Variants in DGAT2 observed in about 807,000 individuals in gnomAD.
DGAT2 encodes acyl-CoA retinol O-fatty-acyltransferase.
DGAT2 carries 33 observed loss-of-function variants against 48.4 expected under a neutral mutation model. That is an observed-to-expected ratio of 0.68 (90% confidence interval 0.52 to 0.91). DGAT2 has a LOEUF of 0.91. Among genes scored for constraint, DGAT2 ranks in the 40% least tolerant of loss-of-function variants. The pLI is 0.00. For missense variants in DGAT2, 446 were observed against 493.7 expected (o/e 0.90, Z 0.92); for synonymous variants, 191 against 194.1 (o/e 0.98, Z 0.13).
intron 1 of DGAT2, among the ~76,000 whole-genome samples, chr11:75,773,493 C>A (rs1228396820): frequency 6.6e-6 from 1 of 152,202 alleles, no homozygotes; most frequent in African/African-American, 2.4e-5. Context: ...GGTCAGAATT[C>A]TCAGATTCTC....
intron 2 of DGAT2, among the ~76,000 whole-genome samples, chr11:75,787,065 A>AT (rs550898147): frequency 4.0e-5 from 6 of 150,536 alleles, no homozygotes; most frequent in Non-Finnish European, 8.9e-5. Context: ...AGAAGAAATG[A>AT]TTTTTTTTAA....
intron 1 of DGAT2, among the ~76,000 whole-genome samples, chr11:75,777,688 T>A (rs573581354): frequency 6.6e-6 from 1 of 152,178 alleles, no homozygotes; most frequent in Admixed American, 6.5e-5. Context: ...CAGGTTGGCA[T>A]GTCCCCTGCC....
At chr11:75,789,699 TC>T (rs1027379949) in intron 2 of DGAT2, among the ~76,000 whole-genome samples, 2 of 152,122 alleles carry the variant, frequency 1.3e-5, no homozygotes, top group Non-Finnish European at 2.9e-5. Flanking sequence ...GCAAGTTATC[TC>T]CCCCTTGAGC....
At chr11:75,790,441 A>G (rs1033728170) in intron 3 of DGAT2, 146 bp downstream of exon 3, 34 of 818,714 alleles carry the variant, frequency 4.2e-5, no homozygotes, top group Non-Finnish European at 6.5e-5. Flanking sequence ...GGGGAGGTTA[A>G]AAGCCCCTCA....
intron 1 of DGAT2, among the ~76,000 whole-genome samples, chr11:75,782,668 C>T (rs776292967): frequency 6.6e-6 from 1 of 152,234 alleles, no homozygotes; most frequent in Non-Finnish European, 1.5e-5. Flanking sequence ...GGTTATGAGA[C>T]CCTCAAGGAT....
intron 1 of DGAT2, chr11:75,777,004 C>T (rs537585665): frequency 3.9e-5 from 6 of 152,756 alleles, no homozygotes; most frequent in African/African-American, 1.2e-4. Flanking sequence ...CTCTCTGTCT[C>T]CGTGCAACTT....
At chr11:75,792,187 TCCAAAAGAACCA>T (rs893596084) in intron 4 of DGAT2, 9 of 152,382 alleles carry the variant, frequency 5.9e-5, no homozygotes, top group African/African-American at 2.2e-4. Context: ...TCTCCACCCT[TCCAAAAGAACCA>T]AACAAACCCC....
intron 4 of DGAT2, among the ~76,000 whole-genome samples, chr11:75,791,414 G>A (rs74393770): frequency 0.02 from 3,055 of 152,248 alleles, 100 homozygotes; most frequent in African/African-American, 0.066. Context: ...CAGGGTCAGC[G>A]TTCCTTCTCC....
chr11:75,784,818 C>T (rs1360421073), intron 2 of DGAT2, 72 bp downstream of exon 2: 1 of 1,581,932 alleles, frequency 6.3e-7, no homozygotes, highest in East Asian at 2.2e-5. Context: ...AGAGCAGGAG[C>T]CCTGCTCTAC....
chr11:75,772,412 C>T (rs367595266), intron 1 of DGAT2, among the ~76,000 whole-genome samples: 15 of 152,152 alleles, frequency 9.9e-5, no homozygotes, highest in South Asian at 2.1e-4. Context: ...ATGCTGCAGA[C>T]GCATGGTGGT....
intron 4 of DGAT2, chr11:75,792,118 AG>A (rs1209467026): frequency 2.6e-5 from 4 of 152,290 alleles, no homozygotes; most frequent in African/African-American, 9.6e-5. Flanking sequence ...CACTTAGAAC[AG>A]GATGACCTGA....
Position 75,774,452 on chromosome 11 carries a change from T to G in DGAT2, c.121+5340T>G, listed in dbSNP as rs113998954. 3.6e-3 allele frequency among the ~76,000 whole-genome samples: 549 copies of G among 152,326 alleles called. 4 individuals carry two copies. Among genetic ancestry groups the G allele is most frequent in the African/African-American group, 0.013 (540 of 41,562 alleles). The stretch of plus-strand genomic sequence containing the variant: ...TAGAAATGGGAAACACAAACTCCTT[T>G]TCTTATTAGAGCAGAATTAGCCATT... On this transcript the variant is annotated intron_variant, in intron 1 of 7. Coordinates refer to ENST00000228027, the MANE Select transcript of DGAT2 (RefSeq NM_032564.5).
chr11:75,773,199 C>T (rs1265436005), intron 1 of DGAT2, among the ~76,000 whole-genome samples: 5 of 152,184 alleles, frequency 3.3e-5, no homozygotes, highest in African/African-American at 4.8e-5. Flanking sequence ...TGTGATTCCT[C>T]GAGCCTTCCT....
At chr11:75,789,148 GT>G (rs1215243919) in intron 2 of DGAT2, among the ~76,000 whole-genome samples, 324 of 144,118 alleles carry the variant, frequency 2.2e-3, no homozygotes, top group Middle Eastern at 3.6e-3. Flanking sequence ...TGCTGTTAGG[GT>G]TTTTTTTTTT....
In DGAT2 at chr11:75,790,169, G is replaced by A. The variant is rs1422435072; in HGVS notation, c.251-19G>A. On this transcript the variant is annotated intron_variant, in intron 2 of 7. Coordinates refer to ENST00000228027, the MANE Select transcript of DGAT2 (RefSeq NM_032564.5). The stretch of plus-strand genomic sequence containing the variant: ...GATGAAGCCCAGTAGGACCTGACCT[G>A]TGGCCATCTGCCCCCCAGGAGTGGC... The A allele has an allele frequency of 1.3e-6, 2 of 1,585,466 alleles. No homozygotes were observed. Among genetic ancestry groups the A allele is most frequent in the South Asian group, 2.2e-5 (2 of 90,532 alleles).
chr11:75,800,277 T>C, intron 7 of DGAT2, 77 bp from the exon 8 acceptor site: 1 of 1,537,888 alleles, frequency 6.5e-7, no homozygotes, highest in South Asian at 1.2e-5. Context: ...CAGCCCAGCG[T>C]CACCACCTTC....
chr11:75,772,190 A>G (rs1048634761), intron 1 of DGAT2, among the ~76,000 whole-genome samples: 3 of 152,142 alleles, frequency 2.0e-5, no homozygotes, highest in Admixed American at 2.0e-4. Context: ...TCCCTTCTCA[A>G]ACTTTTTGAG....
At chr11:75,772,468 G>T (rs1261603503) in intron 1 of DGAT2, among the ~76,000 whole-genome samples, 1 of 152,092 alleles carries the variant, frequency 6.6e-6, no homozygotes, top group Non-Finnish European at 1.5e-5. Context: ...TTACCTCAGC[G>T]CCTTTGCATA....
chr11:75,794,300 CTG>C (rs1348505694), intron 4 of DGAT2: 3 of 152,242 alleles, frequency 2.0e-5, no homozygotes, highest in Non-Finnish European at 4.4e-5. Flanking sequence ...GCTCCCAAAT[CTG>C]GAGTCACAGA....
Sources: gnomAD v4.1 joint callset for allele counts (sites outside exome capture counted in the v4.1 genomes callset) on GRCh38, gnomAD v4.1.1 for gene constraint, MANE v1.5 for transcripts, NCBI Gene and HGNC (gene_info 2026-07-23, HGNC 2026-07-21) for gene names.